The following MED12L variants were observed in gnomAD, a reference collection of about 807,000 sequenced individuals.
The protein encoded by MED12L is mediator of RNA polymerase II transcription subunit 12-like protein.
A neutral mutation model predicts 281.3 loss-of-function variants in MED12L; 60 were observed. The ratio of observed to expected loss-of-function variants is 0.21; its 90% CI spans 0.17 to 0.26. MED12L has a LOEUF of 0.26. MED12L is among the 10% of genes least tolerant of loss of function. MED12L has a pLI of 1.00. For synonymous variants in MED12L, 974 were observed against 987.2 expected, an observed-to-expected ratio of 0.99 and a Z score of 0.25; for missense variants, 2,146 against 2,680.9, an observed-to-expected ratio of 0.80 and a Z score of 4.41.
chr3:151,114,349 C>T (rs1007310606), intron 2 of MED12L, among the ~76,000 whole-genome samples: 15 of 152,054 alleles, frequency 9.9e-5, no homozygotes, highest in Admixed American at 2.0e-4. Flanking sequence ...AACAGTGGCC[C>T]GCCAAGGCAT....
chr3:151,365,441 ATT>A (rs2107916385), intron 22 of MED12L, among the ~76,000 whole-genome samples: 1 of 152,318 alleles, frequency 6.6e-6, no homozygotes, highest in South Asian at 2.1e-4. Context: ...ATGGCCAACA[ATT>A]ACATGATTTA....
intron 16 of MED12L, among the ~76,000 whole-genome samples, chr3:151,280,502 T>C (rs1468260967): frequency 6.6e-6 from 1 of 152,238 alleles, no homozygotes; most frequent in African/African-American, 2.4e-5. Flanking sequence ...TGTGCACTGC[T>C]ACTGCCTTTA....
At chr3:151,416,662 T>C (rs866681562) in intron 43 of MED12L, among the ~76,000 whole-genome samples, 6 of 152,364 alleles carry the variant, frequency 3.9e-5, no homozygotes, top group Admixed American at 2.0e-4. Context: ...TTTTTCGGAC[T>C]GTTCCACAGA....
chr3:151,138,646 G>C (rs1386470216), intron 5 of MED12L, among the ~76,000 whole-genome samples: 1 of 152,026 alleles, frequency 6.6e-6, no homozygotes, highest in Non-Finnish European at 1.5e-5. Context: ...TATATTGTAG[G>C]GTTATCTTCT....
At chr3:151,238,976 A>G (rs1311850012) in intron 16 of MED12L, among the ~76,000 whole-genome samples, 2 of 152,204 alleles carry the variant, frequency 1.3e-5, no homozygotes, top group Admixed American at 1.3e-4. Context: ...AACTGAATGA[A>G]CTGAGAGACA....
Position 151,350,184 on chromosome 3 carries a change from GAA to G in MED12L, c.2377_2378del (p.Lys793GlufsTer31). On this transcript the variant is annotated frameshift_variant, in exon 17 of 45. Transcript: ENST00000687756. LOFTEE classifies it high-confidence loss of function. ...AAGATATCCTGAAAATTCTAAATAA[GAA>G]GAGCACCACAGAGACAGGGGGTAAA... ...TKDILKILNKKSTTETGVGDE... is the reference protein window; with the variant it reads ...TKDILKILNKXSTTETGVGDE... 6.2e-7 allele frequency: 1 copy of G among 1,613,672 alleles called. No homozygotes were observed. Among genetic ancestry groups the G allele is most frequent in the Non-Finnish European group, 8.5e-7 (1 of 1,179,810 alleles).
rs1719346214 is a variant in MED12L, at chr3:151,430,394, T to C, written c.6490+14T>C. Reference sequence around the variant, plus strand: ...AGCAGCTTTCCAGTAAGTACCCCTGTGTGTCATGGAACAGACAGCTCCCGG... The same window carrying C: ...AGCAGCTTTCCAGTAAGTACCCCTGCGTGTCATGGAACAGACAGCTCCCGG... On this transcript the variant is annotated intron_variant, in intron 44 of 44. Transcript: ENST00000687756. 6.2e-7 allele frequency: 1 copy of C among 1,613,796 alleles called. No homozygotes were observed.
At chr3:151,354,193 A>G (rs1396584021) in intron 17 of MED12L, among the ~76,000 whole-genome samples, 2 of 150,910 alleles carry the variant, frequency 1.3e-5, no homozygotes, top group Non-Finnish European at 3.0e-5. Flanking sequence ...TGACATTATC[A>G]ATCATATATC....
chr3:151,395,522 TG>T (rs1315808851), intron 39 of MED12L, among the ~76,000 whole-genome samples: 3 of 152,236 alleles, frequency 2.0e-5, no homozygotes, highest in Non-Finnish European at 4.4e-5. Context: ...GAAACACCTA[TG>T]CGTCTGTACA....
At chr3:151,332,590 CTA>C (rs918412303) in intron 16 of MED12L, among the ~76,000 whole-genome samples, 4 of 152,092 alleles carry the variant, frequency 2.6e-5, no homozygotes, top group Non-Finnish European at 5.9e-5. Flanking sequence ...ATATTTCACA[CTA>C]TGTTTAAAAA....
rs1724135205 is a variant in MED12L, at chr3:151,192,635, A to C, written c.2054A>C (p.Asp685Ala). ...GTAGACAAGAGTGACTTTAAAACTG[A>C]CTTTGGTTCGGAATTTCCAGTAGGT... The part of the protein sequence containing the change: ...DEVDKSDFKT[D>A]FGSEFPIFSP... Residue 685 changes from aspartate (D) to alanine (A), a missense_variant, in exon 15 of 45, where the codon GAC becomes GCC. Transcript: ENST00000687756. The C allele has an allele frequency of 6.5e-7, 1 of 1,535,666 alleles. No individual in the cohort carries two copies. The highest frequency in any genetic ancestry group is 1.2e-5 in the South Asian group (1 of 84,044).
intron 16 of MED12L, among the ~76,000 whole-genome samples, chr3:151,264,517 C>T (rs1350934186): frequency 6.6e-6 from 1 of 152,228 alleles, no homozygotes; most frequent in East Asian, 1.9e-4. Context: ...GCGCACATCT[C>T]TAAGATAACC....
At chr3:151,230,232 C>T (rs983090189) in intron 16 of MED12L, among the ~76,000 whole-genome samples, 7 of 152,202 alleles carry the variant, frequency 4.6e-5, no homozygotes, top group Non-Finnish European at 1.0e-4. Context: ...TCTCGGCCTC[C>T]TAAAGTGCTG....
rs1560164446 is a variant in MED12L, at chr3:151,435,425, CA to C, written c.*2622del. ...ACTTCCAGCCACAGGGTACTAACAT[CA>C]GACATAAGTTGCAACCAGGTCACAT... On this transcript the variant is annotated 3_prime_UTR_variant, in exon 45 of 45. Transcript: ENST00000687756. 1 of 152,068 alleles carries C rather than the reference CA, an allele frequency of 6.6e-6. No individual in the cohort carries two copies. Among genetic ancestry groups the C allele is most frequent in the African/African-American group, 2.4e-5 (1 of 41,410 alleles). 9.4% of individuals were successfully genotyped at this position (152,068 alleles called of 1,614,324 possible).
At chr3:151,353,188 T>G (rs1157300840) in intron 17 of MED12L, among the ~76,000 whole-genome samples, 1 of 152,204 alleles carries the variant, frequency 6.6e-6, no homozygotes, top group South Asian at 2.1e-4. Context: ...CTGTTGTTAT[T>G]ATTTGTTTTG....
At chr3:151,291,150 G>GTTTTTTTTTTTT (rs59482240) in intron 16 of MED12L, among the ~76,000 whole-genome samples, 1 of 127,552 alleles carries the variant, frequency 7.8e-6, no homozygotes, top group African/African-American at 2.8e-5. Flanking sequence ...CTTGTTTTCT[G>GTTTTTTTTTTTT]TTTTTTTTTT....
intron 20 of MED12L, among the ~76,000 whole-genome samples, chr3:151,359,467 T>C (rs1409821986): frequency 6.6e-6 from 1 of 152,142 alleles, no homozygotes; most frequent in Non-Finnish European, 1.5e-5. Context: ...GTTCCACCTA[T>C]GGTACCTGTG....
chr3:151,418,141 G>T (rs1262828858), intron 43 of MED12L, among the ~76,000 whole-genome samples: 1 of 152,058 alleles, frequency 6.6e-6, no homozygotes, highest in African/African-American at 2.4e-5. Context: ...TTAACATTTT[G>T]TCACATTTGC....
rs1246501735 is a variant in MED12L, at chr3:151,431,016, A to C, written c.6490+636A>C. On this transcript the variant is annotated intron_variant, in intron 44 of 44. Transcript: ENST00000687756. ...AGCCCATTTCATCATACCTCATCTC[A>C]ATGCCAGCAGTGTGCTCCCATGAAT... 3.3e-5 allele frequency among the ~76,000 whole-genome samples: 5 copies of C among 152,178 alleles called. No homozygotes were observed. In the South Asian group the frequency reaches 6.2e-4, roughly 19 times the overall value.
Sources: gnomAD v4.1 joint callset for allele counts (sites outside exome capture counted in the v4.1 genomes callset) on GRCh38, gnomAD v4.1.1 for gene constraint, MANE v1.5 for transcripts, NCBI Gene and HGNC (gene_info 2026-07-23, HGNC 2026-07-21) for gene names.